The following RTL4 variants were observed in gnomAD, a reference collection of about 807,000 sequenced individuals.
The protein encoded by RTL4 is retrotransposon Gag-like protein 4.
A neutral mutation model predicts 5.3 loss-of-function variants in RTL4; 4 were observed. The ratio of observed to expected loss-of-function variants is 0.75; its 90% CI spans 0.37 to 1.72. RTL4 has a LOEUF of 1.72. RTL4 is among the 40% of genes most tolerant of loss of function. The probability of loss-of-function intolerance (pLI) is 0.04; values close to 1 mark genes in which losing one functional copy is unlikely to be tolerated. For missense variants in RTL4, 260 were observed against 227.1 expected, an observed-to-expected ratio of 1.14 and a Z score of -0.93; for synonymous variants, 98 against 87.3, an observed-to-expected ratio of 1.12 and a Z score of -0.68.
At chrX:112,443,916 C>G in the RTL4 span, among the ~76,000 whole-genome samples, 3 of 111,107 alleles carry the variant, frequency 2.7e-5, no homozygotes, top group Non-Finnish European at 3.8e-5. Flanking sequence ...TGATTGTATC[C>G]TTTGCTGTGC....
At chrX:112,178,099 T>C in the RTL4 span, among the ~76,000 whole-genome samples, 5 of 111,360 alleles carry the variant, frequency 4.5e-5, no homozygotes, top group Non-Finnish European at 9.4e-5. Flanking sequence ...TAATACAGAT[T>C]TGTCATTCTT....
chrX:112,329,434 A>C, the RTL4 span, among the ~76,000 whole-genome samples: 37 of 111,459 alleles, frequency 3.3e-4, no homozygotes, highest in African/African-American at 1.1e-3. Flanking sequence ...TCCTCGACAC[A>C]TACACTCTCC....
exon 1 of RTL4, chrX:112,455,816 T>A: frequency 1.9e-6 from 1 of 516,754 alleles, no homozygotes; most frequent in Non-Finnish European, 3.0e-6. Context: ...AATCAGATCT[T>A]GTTCATTGGC....
chrX:112,267,195 C>T, the RTL4 span, among the ~76,000 whole-genome samples: 1 of 111,889 alleles, frequency 8.9e-6, no homozygotes, highest in African/African-American at 3.2e-5. Context: ...GAGTTCTCTA[C>T]TTACTGTCCC....
the RTL4 span, among the ~76,000 whole-genome samples, chrX:112,236,444 T>TAG: frequency 2.9e-4 from 23 of 78,452 alleles, no homozygotes; most frequent in Non-Finnish European, 4.1e-4. Flanking sequence ...GATCTATATC[T>TAG]ATATATAGAT....
chrX:112,245,570 A>G, the RTL4 span, among the ~76,000 whole-genome samples: 45 of 111,120 alleles, frequency 4.0e-4, no homozygotes, highest in African/African-American at 1.5e-3. Flanking sequence ...TCTTCTCTAC[A>G]CTGTTTATTC....
upstream of RTL4, among the ~76,000 whole-genome samples, chrX:112,451,936 C>A (rs1177939373): frequency 1.8e-5 from 2 of 111,599 alleles, no homozygotes; most frequent in East Asian, 2.8e-4. Flanking sequence ...TGCACAAGAG[C>A]CACCGGCATC....
the RTL4 span, among the ~76,000 whole-genome samples, chrX:112,408,835 C>G: frequency 8.9e-6 from 1 of 112,318 alleles, no homozygotes; most frequent in Non-Finnish European, 1.9e-5. Context: ...CAGTGGAAAC[C>G]TTACAGGAAA....
the RTL4 span, among the ~76,000 whole-genome samples, chrX:112,226,938 A>AAT: frequency 1.4e-4 from 13 of 95,066 alleles, no homozygotes; most frequent in African/African-American, 5.3e-4. Flanking sequence ...AATAAAATAA[A>AAT]ATAAAATAAA....
chrX:112,214,914 G>A, the RTL4 span, among the ~76,000 whole-genome samples: 23 of 109,186 alleles, frequency 2.1e-4, no homozygotes, highest in South Asian at 8.8e-3. Context: ...TCAGCCTCCC[G>A]AGTAGCTGGG....
At chrX:112,139,734 T>A in the RTL4 span, among the ~76,000 whole-genome samples, 3 of 112,444 alleles carry the variant, frequency 2.7e-5, no homozygotes, top group African/African-American at 9.7e-5. Context: ...GGTTTGGCTC[T>A]GTGCCCCCAC....
chrX:112,116,763 T>C, the RTL4 span, among the ~76,000 whole-genome samples: 1 of 111,926 alleles, frequency 8.9e-6, no homozygotes, highest in Non-Finnish European at 1.9e-5. Context: ...GAAGTCCAAC[T>C]GGCTTCACCT....
chrX:112,410,208 T>C, the RTL4 span, among the ~76,000 whole-genome samples: 1 of 111,948 alleles, frequency 8.9e-6, no homozygotes, highest in Admixed American at 9.4e-5. Context: ...CACCCAACAC[T>C]GGAGTACACA....
chrX:112,427,245 C>A, the RTL4 span, among the ~76,000 whole-genome samples: 2 of 110,853 alleles, frequency 1.8e-5, no homozygotes, highest in Non-Finnish European at 3.8e-5. Flanking sequence ...CACACTATGA[C>A]CAACTGGGAT....
the RTL4 span, among the ~76,000 whole-genome samples, chrX:112,353,960 G>A: frequency 1.1e-4 from 12 of 111,366 alleles, no homozygotes; most frequent in Non-Finnish European, 1.9e-4. Context: ...TCTTAGAATT[G>A]AAGCTAAAGT....
chrX:112,361,570 A>G, the RTL4 span, among the ~76,000 whole-genome samples: 336 of 110,848 alleles, frequency 3.0e-3, 4 homozygotes, highest in East Asian at 0.033. Flanking sequence ...AAGTGACCCA[A>G]TGGATTTTAT....
the RTL4 span, among the ~76,000 whole-genome samples, chrX:112,150,569 G>T: frequency 1.8e-5 from 2 of 111,483 alleles, no homozygotes; most frequent in South Asian, 7.5e-4. Flanking sequence ...AGTAATGGTG[G>T]CATGTAAGAT....
At chrX:112,253,680 C>G in the RTL4 span, among the ~76,000 whole-genome samples, 20,630 of 111,395 alleles carry the variant, frequency 0.19, 1,419 homozygotes, top group African/African-American at 0.26. Flanking sequence ...CAGCCTAACT[C>G]TTAACGAAGA....
chrX:112,330,471 G>C, the RTL4 span, among the ~76,000 whole-genome samples: 2 of 110,253 alleles, frequency 1.8e-5, no homozygotes, highest in Non-Finnish European at 3.8e-5. Context: ...ACCTCTTCAG[G>C]GAGAACTACA....
Sources: gnomAD v4.1 joint callset for allele counts (sites outside exome capture counted in the v4.1 genomes callset) on GRCh38, gnomAD v4.1.1 for gene constraint, MANE v1.5 for transcripts, NCBI Gene and HGNC (gene_info 2026-07-23, HGNC 2026-07-21) for gene names.